The following SEMA3A variants were observed in gnomAD, a reference collection of about 807,000 sequenced individuals.
SEMA3A encodes the protein semaphorin 3A.
Under a neutral mutation model 97.9 loss-of-function variants are expected in SEMA3A, and 29 were observed. That is an observed-to-expected ratio of 0.30 (90% CI 0.22 to 0.40). SEMA3A has a LOEUF of 0.40. Among genes scored for constraint, SEMA3A ranks in the 10% least tolerant of loss-of-function variants. The pLI is 1.00. For synonymous variants in SEMA3A, 321 were observed against 323.7 expected, an observed-to-expected ratio of 0.99 and a Z score of 0.09; for missense variants, 763 against 951.3, an observed-to-expected ratio of 0.80 and a Z score of 2.60.
At chr7:84,013,037 A>G (rs1456074233) in intron 7 of SEMA3A, among the ~76,000 whole-genome samples, 1 of 152,182 alleles carries the variant, frequency 6.6e-6, no homozygotes, top group Non-Finnish European at 1.5e-5. Context: ...TGAATATAGT[A>G]GAGGTAATAA....
At chr7:84,355,626 CAACT>C (rs1802538790) in intron 2 of SEMA3A, among the ~76,000 whole-genome samples, 1 of 151,814 alleles carries the variant, frequency 6.6e-6, no homozygotes, top group South Asian at 2.1e-4. Flanking sequence ...ATCAACTCAA[CAACT>C]AACTTCTATA....
At chr7:84,299,072 C>T (rs1465362031) in intron 3 of SEMA3A, among the ~76,000 whole-genome samples, 3 of 151,996 alleles carry the variant, frequency 2.0e-5, no homozygotes, top group African/African-American at 7.2e-5. Flanking sequence ...GAAGGTTGCA[C>T]TGTCAGCTTC....
chr7:84,268,141 A>C (rs534186953), intron 3 of SEMA3A, among the ~76,000 whole-genome samples: 1 of 152,086 alleles, frequency 6.6e-6, no homozygotes, highest in Non-Finnish European at 1.5e-5. Context: ...GCTGCATGTC[A>C]TTAAACAATG....
intron 3 of SEMA3A, among the ~76,000 whole-genome samples, chr7:84,228,559 T>C (rs567545039): frequency 6.6e-6 from 1 of 152,224 alleles, no homozygotes; most frequent in South Asian, 2.1e-4. Flanking sequence ...ATGTTATATA[T>C]GGTAAATACA....
At chr7:84,254,746 T>C (rs1221484684) in intron 3 of SEMA3A, among the ~76,000 whole-genome samples, 3 of 152,176 alleles carry the variant, frequency 2.0e-5, no homozygotes, top group South Asian at 2.1e-4. Context: ...TGGAATTACC[T>C]ATAACCCTTG....
At chr7:84,112,931 T>A (rs1177391775) in intron 3 of SEMA3A, among the ~76,000 whole-genome samples, 4 of 152,180 alleles carry the variant, frequency 2.6e-5, no homozygotes, top group Non-Finnish European at 5.9e-5. Flanking sequence ...AATCTGTCTG[T>A]GTTACAAAGC....
chr7:84,057,770 A>AAATG (rs1376209131), intron 5 of SEMA3A, among the ~76,000 whole-genome samples: 2 of 151,322 alleles, frequency 1.3e-5, no homozygotes, highest in East Asian at 3.9e-4. Flanking sequence ...ATAAATAAAT[A>AAATG]AATAAATAAA....
At chr7:84,309,500 A>AT (rs1801261184) in intron 2 of SEMA3A, among the ~76,000 whole-genome samples, 1 of 152,138 alleles carries the variant, frequency 6.6e-6, no homozygotes, top group Non-Finnish European at 1.5e-5. Flanking sequence ...ACTCTTGATG[A>AT]TGGACCTCTC....
intron 1 of SEMA3A, among the ~76,000 whole-genome samples, chr7:84,135,993 A>T (rs1285578301): frequency 6.6e-6 from 1 of 152,210 alleles, no homozygotes; most frequent in Non-Finnish European, 1.5e-5. Flanking sequence ...ATATAAGTCC[A>T]TTTTTGTGCT....
At chr7:84,163,465 G>A (rs1797106911) in intron 1 of SEMA3A, among the ~76,000 whole-genome samples, 1 of 151,718 alleles carries the variant, frequency 6.6e-6, no homozygotes, top group South Asian at 2.1e-4. Flanking sequence ...TTCAAAAAAG[G>A]CAAAGTCAAA....
intron 1 of SEMA3A, among the ~76,000 whole-genome samples, chr7:84,384,561 G>A (rs895969206): frequency 1.3e-5 from 2 of 152,074 alleles, no homozygotes; most frequent in African/African-American, 4.8e-5. Context: ...TCCTACAAGT[G>A]CACTGTACAC....
intron 1 of SEMA3A, among the ~76,000 whole-genome samples, chr7:84,469,138 TAATA>T (rs1198178257): frequency 6.6e-6 from 1 of 152,138 alleles, no homozygotes; most frequent in Non-Finnish European, 1.5e-5. Flanking sequence ...TATTTTTGAA[TAATA>T]AACTGTCTAT....
exon 1 of SEMA3A, chr7:84,492,483 G>A (rs1432062494): frequency 1.3e-5 from 2 of 152,050 alleles, no homozygotes; most frequent in African/African-American, 2.4e-5. Context: ...CTTTGTCCAT[G>A]CGTTGAAGTC....
intron 1 of SEMA3A, chr7:84,489,206 G>T (rs1806657358): frequency 6.6e-6 from 1 of 152,104 alleles, no homozygotes; most frequent in South Asian, 2.1e-4. Context: ...GAAACCTCTC[G>T]TCAAACCATC....
In SEMA3A at chr7:83,959,385, A is replaced by G. The variant is rs1343107184; in HGVS notation, c.*1986T>C. On this transcript the variant is annotated 3_prime_UTR_variant, in exon 17 of 17. Transcript: ENST00000265362. The stretch of plus-strand genomic sequence containing the variant: ...TGGAGCACTCTTTGTTCTTCGATTT[A>G]TATTTGAAACACTACTTTCTGTACA... The G allele has an allele frequency of 6.6e-6, 1 of 152,074 alleles. No individual in the cohort carries two copies. The highest frequency in any genetic ancestry group is 1.5e-5 in the Non-Finnish European group (1 of 67,918). The allele number at this position is 152,074 out of a possible 1,614,324, so 9.4% of individuals were successfully genotyped here. A position where few individuals can be genotyped will look rare whatever the true frequency, so the allele number is the denominator to read the frequency against.
chr7:84,020,181 G>A (rs2116437911), intron 6 of SEMA3A, among the ~76,000 whole-genome samples: 1 of 151,104 alleles, frequency 6.6e-6, no homozygotes. Context: ...AAGTAGTTGG[G>A]ATTACAGGCG....
chr7:84,059,013 G>C (rs1185476674), intron 5 of SEMA3A, among the ~76,000 whole-genome samples: 2 of 150,560 alleles, frequency 1.3e-5, no homozygotes, highest in African/African-American at 5.0e-5. Flanking sequence ...ATGAAGTAAA[G>C]CTGCTTTGGG....
intron 3 of SEMA3A, among the ~76,000 whole-genome samples, chr7:84,119,721 A>G (rs1340042241): frequency 2.6e-5 from 4 of 152,192 alleles, no homozygotes; most frequent in Non-Finnish European, 1.5e-5. Flanking sequence ...TATCAGACAC[A>G]TATAGAAGAA....
intron 2 of SEMA3A, among the ~76,000 whole-genome samples, chr7:84,333,588 A>G (rs1257885738): frequency 1.3e-5 from 2 of 152,200 alleles, no homozygotes; most frequent in East Asian, 1.9e-4. Flanking sequence ...TCTACTTTCC[A>G]AAGAAAAATT....
Sources: gnomAD v4.1 joint callset for allele counts (sites outside exome capture counted in the v4.1 genomes callset) on GRCh38, gnomAD v4.1.1 for gene constraint, MANE v1.5 for transcripts, NCBI Gene and HGNC (gene_info 2026-07-23, HGNC 2026-07-21) for gene names.